The following CDKN2B-AS1 variants were observed in gnomAD, a reference collection of about 807,000 sequenced individuals.
CDKN2B-AS1 encodes CDKN2B antisense RNA 1 (non-protein coding).
At chr9:22,121,284 A>G (rs1826096495) in intron 4 of CDKN2B-AS1, among the ~76,000 whole-genome samples, 2 of 152,112 alleles carry the variant, frequency 1.3e-5, no homozygotes, top group African/African-American at 4.8e-5. Context: ...GTAGATGGGT[A>G]GAGGTTGCTC....
At chr9:22,059,290 G>T (rs2131295521) in intron 4 of CDKN2B-AS1, among the ~76,000 whole-genome samples, 1 of 152,292 alleles carries the variant, frequency 6.6e-6, no homozygotes, top group South Asian at 2.1e-4. Context: ...AGATACAATG[G>T]TGGTACCAGT....
chr9:22,044,959 C>A (rs1442040780), intron 1 of CDKN2B-AS1, among the ~76,000 whole-genome samples: 2 of 151,302 alleles, frequency 1.3e-5, no homozygotes, highest in African/African-American at 4.9e-5. Context: ...ACCATGTATA[C>A]ATTTCATATG....
intron 1 of CDKN2B-AS1, among the ~76,000 whole-genome samples, chr9:22,025,478 A>G (rs1222774875): frequency 6.6e-6 from 1 of 152,056 alleles, no homozygotes; most frequent in Non-Finnish European, 1.5e-5. Context: ...TTGGCTTGAT[A>G]TCTCTGGTGG....
rs903202850 is a variant in CDKN2B-AS1 at position 21,996,941 on chromosome 9, A to T, written n.29+1780A>T. On this transcript the variant is annotated intron_variant and non_coding_transcript_variant, in intron 1 of 4. Transcript: ENST00000650946. The surrounding 1 kb of genome is among the most constrained non-coding windows in gnomAD (Gnocchi z 5.4). ...TAAACATCTTTTGAAGTCGCTATCTATATCAGTCAGTTCTCCAGGGAAACA... is the reference window on the plus strand; with the variant it reads ...TAAACATCTTTTGAAGTCGCTATCTTTATCAGTCAGTTCTCCAGGGAAACA... Among the ~76,000 whole-genome samples the T allele has an allele frequency of 4.6e-5, 7 of 152,214 alleles. No individual in the cohort carries two copies. The highest frequency in any genetic ancestry group is 8.8e-5 in the Non-Finnish European group (6 of 68,042).
At chr9:22,123,021 C>T (rs560329655) in intron 4 of CDKN2B-AS1, among the ~76,000 whole-genome samples, 1 of 151,760 alleles carries the variant, frequency 6.6e-6, no homozygotes, top group South Asian at 2.1e-4. Flanking sequence ...TGTCCTTTTC[C>T]ATTTCTTTCA....
In CDKN2B-AS1 at chr9:22,064,826, C is replaced by A. The variant is rs1488284335; in HGVS notation, n.438+8439C>A. On this transcript the variant is annotated intron_variant and non_coding_transcript_variant, in intron 4 of 4. Transcript: ENST00000650946. ...TTTTCATTTAACATCTCATTTCTAGCCTAACGACAAACCTAAAAGGTGGGC... is the reference window on the plus strand; with the variant it reads ...TTTTCATTTAACATCTCATTTCTAGACTAACGACAAACCTAAAAGGTGGGC... Among the ~76,000 whole-genome samples, 4 of 152,206 alleles carry A rather than the reference C, an allele frequency of 2.6e-5. No individual in the cohort carries two copies. In the East Asian group the frequency reaches 7.7e-4, roughly 29 times the overall value.
At chr9:22,051,501 G>A (rs1158783400) in intron 3 of CDKN2B-AS1, among the ~76,000 whole-genome samples, 1 of 152,096 alleles carries the variant, frequency 6.6e-6, no homozygotes, top group Non-Finnish European at 1.5e-5. Flanking sequence ...TTTGTGAAAG[G>A]ACTTGCTTAA....
intron 1 of CDKN2B-AS1, among the ~76,000 whole-genome samples, chr9:22,027,502 T>TA (rs1822290614): frequency 1.3e-5 from 2 of 152,208 alleles, no homozygotes; most frequent in Non-Finnish European, 2.9e-5. Context: ...TATTCATTCT[T>TA]ACCAAATATA....
chr9:22,116,249 G>A (rs1001112203), intron 4 of CDKN2B-AS1, among the ~76,000 whole-genome samples: 2 of 152,288 alleles, frequency 1.3e-5, no homozygotes, highest in South Asian at 2.1e-4. Context: ...ATACTCAAAC[G>A]GTGTATATCA....
At chr9:22,067,203 TAAAGTA>T (rs1279320802) in intron 4 of CDKN2B-AS1, among the ~76,000 whole-genome samples, 8 of 152,084 alleles carry the variant, frequency 5.3e-5, no homozygotes. Flanking sequence ...CCCTAGAACT[TAAAGTA>T]TAATAATAAA....
At chr9:22,050,782 T>A (rs1034823274) in intron 3 of CDKN2B-AS1, among the ~76,000 whole-genome samples, 4 of 152,178 alleles carry the variant, frequency 2.6e-5, no homozygotes. Flanking sequence ...CTCATGCTTC[T>A]TGCCATGTCA....
At chr9:22,121,177 A>C (rs1005890816) in intron 4 of CDKN2B-AS1, 22 of 152,258 alleles carry the variant, frequency 1.4e-4, no homozygotes, top group African/African-American at 4.8e-4. Flanking sequence ...AACAATGCAC[A>C]TAAAATGTAC....
chr9:22,014,731 A>G (rs902812181), intron 1 of CDKN2B-AS1, among the ~76,000 whole-genome samples: 1 of 150,674 alleles, frequency 6.6e-6, no homozygotes, highest in African/African-American at 2.4e-5. Context: ...TTAGCATTAG[A>G]TATATATCCT....
At chr9:22,115,307 G>A (rs941650910) in intron 4 of CDKN2B-AS1, among the ~76,000 whole-genome samples, 4 of 152,144 alleles carry the variant, frequency 2.6e-5, no homozygotes, top group Admixed American at 2.6e-4. Flanking sequence ...GTCCCTTAGT[G>A]AGCATATTTT....
intron 4 of CDKN2B-AS1, among the ~76,000 whole-genome samples, chr9:22,072,723 C>T (rs553462892): frequency 1.9e-4 from 29 of 152,320 alleles, no homozygotes; most frequent in Non-Finnish European, 3.8e-4. Flanking sequence ...GAGCACAAGG[C>T]AGCCTAACTT....
At chr9:22,087,115 C>A (rs1824891804) in intron 4 of CDKN2B-AS1, among the ~76,000 whole-genome samples, 1 of 152,164 alleles carries the variant, frequency 6.6e-6, no homozygotes, top group African/African-American at 2.4e-5. Context: ...GGTGGTAACT[C>A]CCCTTTTTCT....
chr9:22,065,064 A>G (rs1277013187), intron 4 of CDKN2B-AS1, among the ~76,000 whole-genome samples: 1 of 152,174 alleles, frequency 6.6e-6, no homozygotes. Flanking sequence ...ACCCTTTAAC[A>G]AAGCCAAGAT....
chr9:22,122,971 A>G lies in CDKN2B-AS1; in HGVS notation n.439-4132A>G, dbSNP rs577929620. 1.2e-4 allele frequency among the ~76,000 whole-genome samples: 18 copies of G among 152,072 alleles called. 1 individual carries two copies. The highest frequency in any genetic ancestry group is 4.1e-4 in the African/African-American group (17 of 41,514). On this transcript the variant is annotated intron_variant and non_coding_transcript_variant, in intron 4 of 4. Coordinates refer to ENST00000650946, the Ensembl canonical transcript of CDKN2B-AS1. Reference sequence around the variant, plus strand: ...TTTTGATAGGGATTGCATTGAATCTATAGGTTGCTTTGGGCAGCAGATATC... The same window carrying G: ...TTTTGATAGGGATTGCATTGAATCTGTAGGTTGCTTTGGGCAGCAGATATC...
rs375797351 is a variant in CDKN2B-AS1 at position 22,008,922 on chromosome 9, C to G, written n.29+13761C>G. The G allele has an allele frequency of 9.9e-6, 16 of 1,612,884 alleles. No homozygotes were observed. In the African/African-American group the frequency reaches 2.0e-4, roughly 20 times the overall value. The stretch of plus-strand genomic sequence containing the variant: ...GGCCAGACCCTCATCGCTGCCGCCC[C>G]CACTGGGCATGCCCTTGTTCTCCTC... On this transcript the variant is annotated intron_variant and non_coding_transcript_variant, in intron 1 of 4. Coordinates refer to ENST00000650946, the Ensembl canonical transcript of CDKN2B-AS1.
Sources: allele counts gnomAD v4.1 joint callset (sites outside exome capture counted in the v4.1 genomes callset), GRCh38; gene constraint gnomAD v4.1.1; non-coding constraint Gnocchi (gnomAD v3.1); transcripts MANE v1.5; gene names NCBI Gene and HGNC (gene_info 2026-07-23, HGNC 2026-07-21).